MAP7D1: variants seen among roughly 807,000 people sequenced by gnomAD.
The protein encoded by MAP7D1 is MAP7 domain-containing protein 1.
A neutral mutation model predicts 97.5 loss-of-function variants in MAP7D1; 30 were observed. The observed-to-expected ratio is 0.31, with a 90% confidence interval of 0.23 to 0.42. The LOEUF (loss-of-function observed/expected upper bound fraction) is 0.42, where lower values mean the gene tolerates loss of function less well. Among genes scored for constraint, MAP7D1 ranks in the 10% least tolerant of loss-of-function variants. The pLI, the probability that MAP7D1 is intolerant of heterozygous loss-of-function variation, is 1.00. For synonymous variants in MAP7D1, 536 were observed against 477.1 expected, an observed-to-expected ratio of 1.12 and a Z score of -1.61; for missense variants, 1,184 against 1,179.5, an observed-to-expected ratio of 1.00 and a Z score of -0.06.
In MAP7D1 at chr1:36,159,946, C is replaced by T. The variant is rs374943836; in HGVS notation, c.46+3483C>T. 2.8e-3 allele frequency among the ~76,000 whole-genome samples: 421 copies of T among 152,328 alleles called. 3 individuals carry two copies. Among genetic ancestry groups the T allele is most frequent in the Middle Eastern group, 0.014 (4 of 294 alleles). ...AGGCCTCTAATGAGCCCCTAATGTG[C>T]AGTCACGCATATGCAAATGAGGTGG... On this transcript the variant is annotated intron_variant, in intron 1 of 16. Transcript: ENST00000474796. This position sits in a 1 kb window ranked among gnomAD's most constrained non-coding sequence, Gnocchi z 5.4.
rs371646065 is a variant in MAP7D1 at position 36,163,393 on chromosome 1, C to T, written c.46+6930C>T. On this transcript the variant is annotated intron_variant, in intron 1 of 16. Transcript: ENST00000474796. ...CAAAACCTCACAATCTGGCATAGAC[C>T]AAAAATAAGATAAAATTAAGTAGCC... is the stretch of plus-strand genomic sequence containing the variant. Among the ~76,000 whole-genome samples the T allele has an allele frequency of 8.6e-5, 13 of 152,018 alleles. No individual in the cohort carries two copies. The East Asian group carries it at 1.7e-3, about 20-fold the overall frequency.
chr1:36,168,483 G>C (rs1338814781), intron 1 of MAP7D1, among the ~76,000 whole-genome samples: 1 of 152,100 alleles, frequency 6.6e-6, no homozygotes, highest in Non-Finnish European at 1.5e-5. Context: ...GTGAGTAACT[G>C]GTTTTGTTGA....
rs1046714544 is a variant in MAP7D1 at position 36,178,749 on chromosome 1, C to G, written c.1951C>G (p.Arg651Gly). 8 of 1,544,722 alleles carry G rather than the reference C, an allele frequency of 5.2e-6. No individual in the cohort carries two copies. Among genetic ancestry groups the G allele is most frequent in the East Asian group, 4.9e-5 (2 of 40,854 alleles). Residue 651 changes from arginine (R) to glycine (G), a missense_variant, in exon 11 of 17, where the codon CGG becomes GGG. Coordinates refer to ENST00000474796, the MANE Select transcript of MAP7D1 (RefSeq NM_001388490.1). ...EARAEREAEA[R>G]RREEQEAREK... ...CCGGGCGGAGCGGGAGGCGGAGGCC[C>G]GGAGGCGGGAGGAGCAGGAGGCACG...
Position 36,179,658 on chromosome 1 carries a change from T to C in MAP7D1, c.2228-8T>C. Reference sequence around the variant, plus strand: ...CCCTGGCTGATGGCCCCTCTTTCCCTGTGACAGAGCCTGTGAAAGCTGTGG... The same window carrying C: ...CCCTGGCTGATGGCCCCTCTTTCCCCGTGACAGAGCCTGTGAAAGCTGTGG... On this transcript the variant is annotated splice_region_variant and splice_polypyrimidine_tract_variant and intron_variant, in intron 14 of 16. Transcript: ENST00000474796. The C allele has an allele frequency of 6.5e-7, 1 of 1,535,534 alleles. No individual in the cohort carries two copies. Among genetic ancestry groups the C allele is most frequent in the African/African-American group, 1.4e-5 (1 of 73,222 alleles).
Position 36,171,195 on chromosome 1 carries a change from G to T in MAP7D1, c.271G>T (p.Ala91Ser). 6.2e-7 allele frequency: 1 copy of T among 1,613,868 alleles called. No individual in the cohort carries two copies. Among genetic ancestry groups the T allele is most frequent in the East Asian group, 2.2e-5 (1 of 44,876 alleles). The change falls in exon 2 of 17, where the codon GCA (alanine) becomes TCA (serine). Residue 91 changes from alanine to serine, a missense_variant. Transcript: ENST00000474796. ...GCAGGAAGAGTCCCCTTCCTCTGAAGCAAAGAGCAGAGGACCCACCCCACC... is the reference window on the plus strand; with the variant it reads ...GCAGGAAGAGTCCCCTTCCTCTGAATCAAAGAGCAGAGGACCCACCCCACC... ...PPQEESPSSE[A>S]KSRGPTPPAM... is the part of the protein sequence containing the mutation.
At chr1:36,165,403 G>A (rs1227977750) in intron 1 of MAP7D1, among the ~76,000 whole-genome samples, 1 of 151,410 alleles carries the variant, frequency 6.6e-6, no homozygotes, top group African/African-American at 2.4e-5. Context: ...GATTACAGGT[G>A]TGAGCCACCT....
At chr1:36,165,233 C>T (rs1447403459) in intron 1 of MAP7D1, among the ~76,000 whole-genome samples, 1 of 152,134 alleles carries the variant, frequency 6.6e-6, no homozygotes, top group African/African-American at 2.4e-5. Flanking sequence ...AAGGTATCCT[C>T]CTGCCTTAGC....
Position 36,180,052 on chromosome 1 carries a change from T to A in MAP7D1, c.2497T>A (p.Ser833Thr), listed in dbSNP as rs747275071. Residue 833 changes from serine to threonine, a missense_variant, in exon 16 of 17, where the codon TCC becomes ACC. Ser to Thr is a moderately conservative substitution (Grantham distance 58, BLOSUM62 1). Coordinates refer to ENST00000474796, the MANE Select transcript of MAP7D1 (RefSeq NM_001388490.1). Reference sequence around the variant, plus strand: ...CTTCCTCAAGAAAGCTGTGGTGCAGTCCCCGCAGGTCACAGGTAGATCTCC... The same window carrying A: ...CTTCCTCAAGAAAGCTGTGGTGCAGACCCCGCAGGTCACAGGTAGATCTCC... ...EAFLKKAVVQ[S>T]PQVTEVL 5 of 1,613,862 alleles carry A rather than the reference T, an allele frequency of 3.1e-6. No homozygotes were observed. The highest frequency in any genetic ancestry group is 4.2e-6 in the Non-Finnish European group (5 of 1,179,886).
At chr1:36,177,397 C>T (rs1570163374) in intron 8 of MAP7D1, 1 of 380,016 alleles carries the variant, frequency 2.6e-6, no homozygotes, top group East Asian at 7.3e-5. Flanking sequence ...TGCCTCACGC[C>T]CGTAATCCCA....
intron 11 of MAP7D1, 47 bp downstream of exon 11, chr1:36,178,870 G>A (rs761444800): frequency 2.6e-5 from 40 of 1,547,932 alleles, no homozygotes; most frequent in Non-Finnish European, 3.3e-5. Flanking sequence ...GCCGCGGGCC[G>A]GGAGGGAAGG....
At position 36,176,454 on chromosome 1, in the gene MAP7D1, C is replaced by G. The variant is rs746488259; in HGVS notation, c.1106C>G (p.Pro369Arg). ...PVCPRSASAS[P>R]LTPCSVTRSV... Reference sequence around the variant, plus strand: ...TGCCCGCGCTCGGCCTCCGCCAGCCCCCTGACGCCGTGCAGCGTCACCCGA... The same window carrying G: ...TGCCCGCGCTCGGCCTCCGCCAGCCGCCTGACGCCGTGCAGCGTCACCCGA... Residue 369 changes from proline to arginine, a missense_variant, in exon 7 of 17, where the codon CCC (proline) becomes CGC (arginine). Transcript: ENST00000474796. The surrounding 1 kb of genome is among the most constrained non-coding windows in gnomAD (Gnocchi z 6.1). 6 of 1,508,220 alleles carry G rather than the reference C, an allele frequency of 4.0e-6. No individual in the cohort carries two copies. In the Admixed American group the frequency reaches 1.0e-4, roughly 26 times the overall value. The allele number at this position is 1,508,220 out of a possible 1,614,324, so 93.4% of individuals were successfully genotyped here. A position where few individuals can be genotyped will look rare whatever the true frequency, so the allele number is the denominator to read the frequency against.
intron 1 of MAP7D1, among the ~76,000 whole-genome samples, chr1:36,158,729 G>T (rs984376321): frequency 2.0e-5 from 3 of 152,192 alleles, no homozygotes; most frequent in Non-Finnish European, 4.4e-5. Flanking sequence ...TTGTGGTTAT[G>T]CTTCTGCAAC....
intron 8 of MAP7D1, 130 bp from the exon 9 acceptor site, chr1:36,177,743 G>T: frequency 1.5e-6 from 2 of 1,349,696 alleles, no homozygotes; most frequent in Middle Eastern, 1.9e-4. Flanking sequence ...GTGTGTTTCT[G>T]TGAGAGCAAG....
At position 36,179,031 on chromosome 1, in the gene MAP7D1, C is replaced by A; in HGVS notation, c.2130+6C>A. 6 of 1,176,956 alleles carry A rather than the reference C, an allele frequency of 5.1e-6. No homozygotes were observed. The highest frequency in any genetic ancestry group is 6.9e-6 in the Non-Finnish European group (6 of 869,212). 72.9% of individuals were successfully genotyped at this position (1,176,956 alleles called of 1,614,324 possible). ...AGCGGCAAGAGCGCAGAAAGGTGTGCGGACCTGGGCGGGGATTTGTGGGCG... is the reference window on the plus strand; with the variant it reads ...AGCGGCAAGAGCGCAGAAAGGTGTGAGGACCTGGGCGGGGATTTGTGGGCG... On this transcript the variant is annotated splice_donor_region_variant and intron_variant, in intron 12 of 16. Transcript: ENST00000474796.
intron 4 of MAP7D1, 99 bp downstream of exon 4, chr1:36,172,726 C>G: frequency 7.9e-7 from 1 of 1,262,378 alleles, no homozygotes; most frequent in Non-Finnish European, 1.0e-6. Flanking sequence ...TCTGCCTTAT[C>G]TGTGTCTATG....
rs1200482629 is a variant in MAP7D1, at chr1:36,175,004, T to TAGA, written c.849_850+1dup. ...CTGCCACGCTCTGGAACTCCCCCAG[T>TAGA]AGAAGTAAGAGAAGGCCCAGCCCTT... On this transcript the variant is annotated inframe_insertion, in exon 6 of 17. Transcript: ENST00000474796. 1 of 1,609,938 alleles carries TAGA rather than the reference T, an allele frequency of 6.2e-7. No homozygotes were observed. The highest frequency in any genetic ancestry group is 2.2e-5 in the East Asian group (1 of 44,844).
intron 1 of MAP7D1, among the ~76,000 whole-genome samples, chr1:36,156,969 A>C (rs1370914811): frequency 6.7e-6 from 1 of 149,916 alleles, no homozygotes; most frequent in Non-Finnish European, 1.5e-5. Context: ...CCTCGCCCCC[A>C]CCCCATCCGT....
chr1:36,171,517 G>T lies in MAP7D1; in HGVS notation c.396G>T (p.Val132=). The T allele has an allele frequency of 7.4e-6, 12 of 1,614,216 alleles. No individual in the cohort carries two copies. Among genetic ancestry groups the T allele is most frequent in the Non-Finnish European group, 1.0e-5 (12 of 1,180,040 alleles). Reference sequence around the variant, plus strand: ...GTTCTTGTTCCCTCTGCTCAGAGGTGAAGAAGGCAGGAGAGAGACACAAGC... The same window carrying T: ...GTTCTTGTTCCCTCTGCTCAGAGGTTAAGAAGGCAGGAGAGAGACACAAGC... ...ASDSPPTKQE[V]KKAGERHKLA... The change falls in exon 3 of 17, where the codon GTG becomes GTT. Residue 132 remains valine (V), a synonymous_variant. Coordinates refer to ENST00000474796, the MANE Select transcript of MAP7D1 (RefSeq NM_001388490.1).
In MAP7D1 at chr1:36,159,161, G is replaced by A. The variant is rs563196151; in HGVS notation, c.46+2698G>A. Among the ~76,000 whole-genome samples the A allele has an allele frequency of 6.6e-6, 1 of 152,170 alleles. No homozygotes were observed. The highest frequency in any genetic ancestry group is 2.4e-5 in the African/African-American group (1 of 41,528). On this transcript the variant is annotated intron_variant, in intron 1 of 16. Coordinates refer to ENST00000474796, the MANE Select transcript of MAP7D1 (RefSeq NM_001388490.1). This position sits in a 1 kb window ranked among gnomAD's most constrained non-coding sequence, Gnocchi z 5.4. Reference sequence around the variant, plus strand: ...CAACCTCCGCCTCCCAGGTTCAAGCGATTCTCTTGCCTCAGCCTCCCGAGT... The same window carrying A: ...CAACCTCCGCCTCCCAGGTTCAAGCAATTCTCTTGCCTCAGCCTCCCGAGT...
Sources: gnomAD v4.1 joint callset for allele counts (sites outside exome capture counted in the v4.1 genomes callset) on GRCh38, gnomAD v4.1.1 for gene constraint, Gnocchi (gnomAD v3.1) non-coding constraint, MANE v1.5 for transcripts, NCBI Gene and HGNC (gene_info 2026-07-23, HGNC 2026-07-21) for gene names.